Variants in ABCC4 observed in about 807,000 individuals in gnomAD.
The protein encoded by ABCC4 is ATP-binding cassette sub-family C member 4.
In ABCC4, 102 loss-of-function variants were observed where a neutral mutation model predicts 168.5. That is an observed-to-expected ratio of 0.61 (90% CI 0.52 to 0.71). ABCC4 has a LOEUF of 0.71. Ranked by LOEUF, ABCC4 falls within the 30% of genes least tolerant of loss-of-function variation. The pLI, the probability that ABCC4 is intolerant of heterozygous loss-of-function variation, is 0.00. For synonymous variants in ABCC4, 617 were observed against 590.7 expected (o/e 1.04, Z -0.65); for missense variants, 1,402 against 1,605.8 (o/e 0.87, Z 2.17).
intron 20 of ABCC4, among the ~76,000 whole-genome samples, chr13:95,100,744 T>G (rs2034771478): frequency 6.6e-6 from 1 of 152,240 alleles, no homozygotes; most frequent in South Asian, 2.1e-4. Context: ...ACGCCGTGAT[T>G]CAGTTAAAAT....
intron 30 of ABCC4, among the ~76,000 whole-genome samples, chr13:95,034,206 T>C (rs114274456): frequency 0.023 from 3,527 of 152,318 alleles, 168 homozygotes; most frequent in African/African-American, 0.08. Flanking sequence ...AAATCTCCTG[T>C]ATGTACCTCA....
chr13:95,110,237 A>C (rs1566427057), intron 20 of ABCC4, among the ~76,000 whole-genome samples: 1 of 146,242 alleles, frequency 6.8e-6, no homozygotes, highest in Non-Finnish European at 1.5e-5. Context: ...TGAACCCAGG[A>C]GGCGGAGGTT....
chr13:95,166,523 C>G (rs527606848), intron 14 of ABCC4, among the ~76,000 whole-genome samples, 156 bp from the exon 15 acceptor site: 2 of 152,158 alleles, frequency 1.3e-5, no homozygotes, highest in Non-Finnish European at 2.9e-5. Flanking sequence ...CAACTTGATA[C>G]ACAACTGAGT....
At chr13:95,265,802 G>A (rs1490979057) in intron 1 of ABCC4, among the ~76,000 whole-genome samples, 9 of 152,056 alleles carry the variant, frequency 5.9e-5, no homozygotes, top group Non-Finnish European at 1.2e-4. Context: ...GCAAGTGCAT[G>A]GCTTCCGTAC....
intron 21 of ABCC4, among the ~76,000 whole-genome samples, chr13:95,081,827 C>T (rs961141896): frequency 1.3e-5 from 2 of 151,930 alleles, no homozygotes; most frequent in Non-Finnish European, 2.9e-5. Context: ...ATGGTGAAAC[C>T]CCATCTCTAC....
At chr13:95,183,015 T>C (rs962939813) in intron 11 of ABCC4, among the ~76,000 whole-genome samples, 21 of 152,096 alleles carry the variant, frequency 1.4e-4, no homozygotes, top group African/African-American at 5.1e-4. Flanking sequence ...TAGTACAATA[T>C]ATCTAGTTGC....
chr13:95,127,564 C>A (rs1477736833), intron 19 of ABCC4, among the ~76,000 whole-genome samples: 2 of 152,200 alleles, frequency 1.3e-5, no homozygotes, highest in South Asian at 4.1e-4. Flanking sequence ...AGGTGTGAGC[C>A]ACCGTGCCTG....
At chr13:95,146,050 A>G (rs1390588202) in intron 19 of ABCC4, among the ~76,000 whole-genome samples, 1 of 152,114 alleles carries the variant, frequency 6.6e-6, no homozygotes, top group Non-Finnish European at 1.5e-5. Flanking sequence ...CACATCTACT[A>G]AAAATACAAA....
chr13:95,035,908 C>T (rs1048468136), intron 29 of ABCC4, among the ~76,000 whole-genome samples: 10 of 152,146 alleles, frequency 6.6e-5, no homozygotes, highest in African/African-American at 2.2e-4. Context: ...CAGTTAATTC[C>T]GTCCCATGGT....
chr13:95,034,930 T>C (rs1236496622), intron 29 of ABCC4, among the ~76,000 whole-genome samples, 191 bp from the exon 30 acceptor site: 1 of 152,228 alleles, frequency 6.6e-6, no homozygotes, highest in African/African-American at 2.4e-5. Flanking sequence ...CTTTTATTAC[T>C]ATAATGTTAT....
chr13:95,040,081 T>C (rs952796538), intron 29 of ABCC4, among the ~76,000 whole-genome samples: 4 of 152,152 alleles, frequency 2.6e-5, no homozygotes, highest in Non-Finnish European at 4.4e-5. Flanking sequence ...CAAGATACTA[T>C]GGCATGTGGC....
intron 1 of ABCC4, among the ~76,000 whole-genome samples, chr13:95,284,057 C>T (rs959336968): frequency 5.3e-5 from 8 of 151,732 alleles, no homozygotes; most frequent in African/African-American, 1.9e-4. Flanking sequence ...AAAAAATTAG[C>T]CGAGCGTGGT....
chr13:95,132,937 T>TAA (rs2036021097), intron 19 of ABCC4, among the ~76,000 whole-genome samples: 1 of 151,900 alleles, frequency 6.6e-6, no homozygotes, highest in African/African-American at 2.4e-5. Context: ...GGAGTTAGTG[T>TAA]TTAATGGGTC....
intron 4 of ABCC4, 50 bp from the exon 5 acceptor site, chr13:95,210,831 G>T: frequency 1.4e-6 from 2 of 1,426,706 alleles, no homozygotes; most frequent in Non-Finnish European, 2.0e-6. Context: ...GTGATACTAA[G>T]TCAGGCTTAG....
At chr13:95,109,353 T>C (rs1462296078) in intron 20 of ABCC4, among the ~76,000 whole-genome samples, 1 of 150,728 alleles carries the variant, frequency 6.6e-6, no homozygotes, top group Non-Finnish European at 1.5e-5. Flanking sequence ...GGATGAAGAA[T>C]TAGAAGGGTA....
chr13:95,262,746 C>T (rs2040564973), intron 1 of ABCC4, among the ~76,000 whole-genome samples: 1 of 151,914 alleles, frequency 6.6e-6, no homozygotes, highest in African/African-American at 2.4e-5. Context: ...GATTCTCCTG[C>T]TTCAGCCTCC....
chr13:95,289,356 G>A (rs902945503), intron 1 of ABCC4, among the ~76,000 whole-genome samples: 1 of 152,170 alleles, frequency 6.6e-6, no homozygotes, highest in Non-Finnish European at 1.5e-5. Flanking sequence ...ACATAGTGAC[G>A]CAGAGGCTGC....
intron 4 of ABCC4, among the ~76,000 whole-genome samples, chr13:95,217,692 C>CCACTG (rs58955493): frequency 0.74 from 112,882 of 151,574 alleles, 42,844 homozygotes; most frequent in Non-Finnish European, 0.83. Flanking sequence ...CAAGATTGCG[C>CCACTG]CACTCCAGCC....
intron 1 of ABCC4, among the ~76,000 whole-genome samples, chr13:95,264,546 A>G (rs7329514): frequency 0.92 from 140,088 of 152,236 alleles, 64,737 homozygotes; most frequent in East Asian, 1. Flanking sequence ...TCTGCTATGA[A>G]GTCACATCAC....
Sources: gnomAD v4.1 joint callset for allele counts (sites outside exome capture counted in the v4.1 genomes callset) on GRCh38, gnomAD v4.1.1 for gene constraint, MANE v1.5 for transcripts, NCBI Gene and HGNC (gene_info 2026-07-23, HGNC 2026-07-21) for gene names.